Variants in CD81 observed in about 807,000 individuals in gnomAD.
CD81 encodes CD81 antigen.
Under a neutral mutation model 30.1 loss-of-function variants are expected in CD81, and 10 were observed. The ratio of observed to expected loss-of-function variants is 0.33; its 90% CI spans 0.21 to 0.56. The LOEUF (loss-of-function observed/expected upper bound fraction) is 0.56. Ranked by LOEUF, CD81 falls within the 20% of genes least tolerant of loss-of-function variation. The pLI is 0.89. For synonymous variants in CD81, 147 were observed against 126.4 expected (o/e 1.16, Z -1.10); for missense variants, 263 against 308.7 (o/e 0.85, Z 1.11).
rs747399721 is a variant in CD81 at position 2,395,406 on chromosome 11, C to T, written c.355-10C>T. On this transcript the variant is annotated splice_polypyrimidine_tract_variant and intron_variant, in intron 4 of 7. Transcript: ENST00000263645. Reference sequence around the variant, plus strand: ...TTCCCCCTGTGCATGTGACCGCACCCCTCCCCCAGATCGCCAAGGATGTGA... The same window carrying T: ...TTCCCCCTGTGCATGTGACCGCACCTCTCCCCCAGATCGCCAAGGATGTGA... 4.4e-6 allele frequency: 7 copies of T among 1,607,152 alleles called. No homozygotes were observed. The highest frequency in any genetic ancestry group is 1.7e-5 in the Admixed American group (1 of 60,008).
rs761982157 is a variant in CD81 at position 2,396,666 on chromosome 11, G to C, written c.600G>C (p.Gly200=). The C allele has an allele frequency of 6.2e-7, 1 of 1,611,858 alleles. No individual in the cohort carries two copies. The highest frequency in any genetic ancestry group is 1.1e-5 in the South Asian group (1 of 91,088). ...CHQKIDDLFS[G]KLYLIGIAAI... ...AGAAGATCGATGACCTCTTCTCCGG[G>C]AAGCTGTACCTCATCGGCATTGCTG... The change falls in exon 7 of 8, where the codon GGG becomes GGC. Residue 200 remains glycine (G), a synonymous_variant. Coordinates refer to ENST00000263645, the MANE Select transcript of CD81 (RefSeq NM_004356.4).
chr11:2,377,600 C>G lies in CD81; in HGVS notation c.51C>G (p.Phe17Leu). ...GCATCAAGTACCTGCTCTTCGTCTT[C>G]AATTTCGTCTTCTGGGTAAGGGCTG... ...TKCIKYLLFV[F>L]NFVFWLAGGV... Residue 17 changes from phenylalanine (F) to leucine (L), a missense_variant, in exon 1 of 8, where the codon TTC (phenylalanine) becomes TTG (leucine). Physicochemically the swap from Phe to Leu is conservative, Grantham distance 22. Transcript: ENST00000263645. The surrounding 1 kb of genome is among the most constrained non-coding windows in gnomAD (Gnocchi z 7.7). 6.5e-7 allele frequency: 1 copy of G among 1,545,638 alleles called. No individual in the cohort carries two copies. Among genetic ancestry groups the G allele is most frequent in the Non-Finnish European group, 8.7e-7 (1 of 1,143,690 alleles).
At chr11:2,383,602 C>T (rs982044372) in intron 1 of CD81, among the ~76,000 whole-genome samples, 11 of 152,222 alleles carry the variant, frequency 7.2e-5, no homozygotes, top group Non-Finnish European at 1.5e-4. Context: ...CGAATGGGCA[C>T]TTCCCGGTGT....
rs892792063 is a variant in CD81 at position 2,397,043 on chromosome 11, C to G, written c.*177C>G. On this transcript the variant is annotated 3_prime_UTR_variant, in exon 8 of 8. Coordinates refer to ENST00000263645, the MANE Select transcript of CD81 (RefSeq NM_004356.4). ...GAACTTTCCTGTTACCTTTTCAGGG[C>G]TGACGTCACATGTAGGTGGCGTGTA... 1.2e-5 allele frequency: 8 copies of G among 674,690 alleles called. No individual in the cohort carries two copies. Among genetic ancestry groups the G allele is most frequent in the Non-Finnish European group, 1.8e-5 (7 of 381,580 alleles). 41.8% of individuals were successfully genotyped at this position (674,690 alleles called of 1,614,324 possible). A position where few individuals can be genotyped will look rare whatever the true frequency, so the allele number is the denominator to read the frequency against.
At chr11:2,396,084 G>T in intron 6 of CD81, 114 bp downstream of exon 6, 1 of 652,764 alleles carries the variant, frequency 1.5e-6, no homozygotes, top group Non-Finnish European at 2.8e-6. Context: ...ACACTGGGTG[G>T]CATGGCCCCT....
intron 7 of CD81, 38 bp from the exon 8 acceptor site, chr11:2,396,766 G>T (rs765282576): frequency 3.7e-6 from 6 of 1,612,062 alleles, no homozygotes; most frequent in Non-Finnish European, 5.1e-6. Flanking sequence ...CTTCCGCGGG[G>T]CCTTGTGCTG....
chr11:2,380,234 G>A (rs537590375), intron 1 of CD81, among the ~76,000 whole-genome samples: 1 of 152,288 alleles, frequency 6.6e-6, no homozygotes, highest in Admixed American at 6.5e-5. Flanking sequence ...AGGACACAGT[G>A]CAGTCCTGTG....
rs775138921 is a variant in CD81, at chr11:2,378,741, C to A, written c.66+1126C>A. 7.2e-5 allele frequency among the ~76,000 whole-genome samples: 11 copies of A among 152,148 alleles called. No homozygotes were observed. The highest frequency in any genetic ancestry group is 9.7e-5 in the African/African-American group (4 of 41,438). On this transcript the variant is annotated intron_variant, in intron 1 of 7. Transcript: ENST00000263645. This position sits in a 1 kb window ranked among gnomAD's most constrained non-coding sequence, Gnocchi z 4.9. ...GCCCCCCAGGCTGTCACCCCCTTCTCGTGGAAGACTCGGCTGATGTCCCAG... is the reference window on the plus strand; with the variant it reads ...GCCCCCCAGGCTGTCACCCCCTTCTAGTGGAAGACTCGGCTGATGTCCCAG...
At chr11:2,387,369 C>T (rs766088124) in intron 1 of CD81, among the ~76,000 whole-genome samples, 4 of 152,340 alleles carry the variant, frequency 2.6e-5, no homozygotes, top group South Asian at 2.1e-4. Context: ...GCTCTCAAAA[C>T]GGTCTCTGGA....
At position 2,396,668 on chromosome 11, in the gene CD81, A is replaced by C; in HGVS notation, c.602A>C (p.Lys201Thr). 1.2e-6 allele frequency: 2 copies of C among 1,611,938 alleles called. No individual in the cohort carries two copies. Among genetic ancestry groups the C allele is most frequent in the Non-Finnish European group, 1.7e-6 (2 of 1,179,984 alleles). Residue 201 changes from lysine to threonine, a missense_variant, in exon 7 of 8, where the codon AAG (lysine) becomes ACG (threonine). Physicochemically the swap from Lys to Thr is moderately conservative, Grantham distance 78 (BLOSUM62 -1). Coordinates refer to ENST00000263645, the MANE Select transcript of CD81 (RefSeq NM_004356.4). ...AAGATCGATGACCTCTTCTCCGGGA[A>C]GCTGTACCTCATCGGCATTGCTGCC... The part of the protein sequence containing the change: ...HQKIDDLFSG[K>T]LYLIGIAAIV...
At chr11:2,396,003 C>G in intron 6 of CD81, 33 bp downstream of exon 6, 2 of 1,406,988 alleles carry the variant, frequency 1.4e-6, no homozygotes, top group Non-Finnish European at 2.0e-6. Context: ...CGCCTGACCC[C>G]CCGCATGTCC....
At chr11:2,382,985 A>T (rs975860419) in intron 1 of CD81, among the ~76,000 whole-genome samples, 3 of 152,042 alleles carry the variant, frequency 2.0e-5, no homozygotes, top group African/African-American at 7.2e-5. Context: ...TCCTCGGGGC[A>T]CTGGTGCCCA....
chr11:2,386,195 A>G (rs115277960), intron 1 of CD81: 4 of 716,364 alleles, frequency 5.6e-6, no homozygotes, highest in Non-Finnish European at 1.0e-5. Flanking sequence ...CTGTGTGTGG[A>G]TCTTGCGGGG....
chr11:2,396,519 CA>C (rs1339930979), intron 6 of CD81, 108 bp from the exon 7 acceptor site: 1 of 998,424 alleles, frequency 1.0e-6, no homozygotes, highest in Non-Finnish European at 1.6e-6. Flanking sequence ...GGGCTGTTCC[CA>C]GGATTCCCCT....
At chr11:2,390,668 C>T in intron 2 of CD81, 142 bp downstream of exon 2, 1 of 709,512 alleles carries the variant, frequency 1.4e-6, no homozygotes, top group Non-Finnish European at 2.5e-6. Flanking sequence ...GGAAAGGGCT[C>T]TGGGCACAAG....
chr11:2,395,126 G>T, intron 4 of CD81, 80 bp downstream of exon 4: 1 of 1,212,742 alleles, frequency 8.2e-7, no homozygotes, highest in South Asian at 1.2e-5. Context: ...GGGTTGGGCT[G>T]ACTCATGGCT....
In CD81 at chr11:2,377,733, C is replaced by G. The variant is rs1206608464; in HGVS notation, c.66+118C>G. ...CAGCGCGGGCCGCGAAGTTGTGGGG[C>G]CACCTGTGGGCTCCAGGAGCGGGGT... On this transcript the variant is annotated intron_variant, in intron 1 of 7. Transcript: ENST00000263645. The surrounding 1 kb of genome is among the most constrained non-coding windows in gnomAD (Gnocchi z 7.7). 6.7e-6 allele frequency: 3 copies of G among 448,178 alleles called. No individual in the cohort carries two copies. Among genetic ancestry groups the G allele is most frequent in the Non-Finnish European group, 1.1e-5 (3 of 279,580 alleles). The allele number at this position is 448,178 out of a possible 1,614,324, so 27.8% of individuals were successfully genotyped here.
intron 1 of CD81, among the ~76,000 whole-genome samples, chr11:2,379,369 G>T (rs113301887): frequency 0.061 from 7,722 of 125,780 alleles, 1,027 homozygotes; most frequent in African/African-American, 0.25. Flanking sequence ...CTGAGGGAGG[G>T]TGTAGGCCTG....
chr11:2,395,108 G>A (rs1288457586), intron 4 of CD81, 62 bp downstream of exon 4: 41 of 1,402,928 alleles, frequency 2.9e-5, no homozygotes, highest in Middle Eastern at 4.9e-4. Flanking sequence ...CTCTCCTGTC[G>A]CGGGTGGGGG....
Sources: allele counts gnomAD v4.1 joint callset (sites outside exome capture counted in the v4.1 genomes callset), GRCh38; gene constraint gnomAD v4.1.1; non-coding constraint Gnocchi (gnomAD v3.1); transcripts MANE v1.5; gene names NCBI Gene and HGNC (gene_info 2026-07-23, HGNC 2026-07-21).